Variants in TSPEAR observed in about 807,000 individuals in gnomAD.
TSPEAR encodes the protein thrombospondin-type laminin G domain and EAR repeat-containing protein.
Under a neutral mutation model 71.6 loss-of-function variants are expected in TSPEAR, and 69 were observed. The ratio of observed to expected loss-of-function variants is 0.96; its 90% CI spans 0.79 to 1.18. The LOEUF (loss-of-function observed/expected upper bound fraction) is 1.18. Ranked by LOEUF, TSPEAR falls within the 50% of genes most tolerant of loss-of-function variation. The pLI, the probability that TSPEAR is intolerant of heterozygous loss-of-function variation, is 0.00. For synonymous variants in TSPEAR, 402 were observed against 387.2 expected (o/e 1.04, Z -0.45); for missense variants, 971 against 894.9 (o/e 1.09, Z -1.09).
At chr21:44,528,705 G>T (rs2145976599) in intron 5 of TSPEAR, 122 bp from the exon 6 acceptor site, 14 of 1,285,278 alleles carry the variant, frequency 1.1e-5, no homozygotes, top group Non-Finnish European at 1.4e-5. Flanking sequence ...GCCTGGAAGG[G>T]CCCCTGCAGG....
chr21:44,650,719 A>G (rs9974666), intron 1 of TSPEAR, among the ~76,000 whole-genome samples: 40,779 of 151,032 alleles, frequency 0.27, 6,542 homozygotes, highest in African/African-American at 0.47. Flanking sequence ...GGATGTCAAC[A>G]CGCCCTCCAG....
intron 1 of TSPEAR, chr21:44,611,952 G>A (rs587763473): frequency 1.2e-6 from 1 of 813,992 alleles, no homozygotes; most frequent in Non-Finnish European, 2.0e-6. Context: ...GTTGCCTGGA[G>A]GCAAAGTCTC....
chr21:44,514,907 G>C (rs2052511206), intron 9 of TSPEAR, among the ~76,000 whole-genome samples: 1 of 152,168 alleles, frequency 6.6e-6, no homozygotes, highest in African/African-American at 2.4e-5. Flanking sequence ...GTCCTGCCAT[G>C]CCCACCGACC....
chr21:44,710,262 C>T lies in TSPEAR; in HGVS notation c.82+1171G>A, dbSNP rs1988149035. ...CCAGTTCCAAGGCAGTCCCTGCGGG[C>T]AGGTGCAGCTGTGCGGGAGCTTCAG... On this transcript the variant is annotated intron_variant, in intron 1 of 11. Transcript: ENST00000323084. This position sits in a 1 kb window ranked among gnomAD's most constrained non-coding sequence, Gnocchi z 4.6. 6.6e-6 allele frequency among the ~76,000 whole-genome samples: 1 copy of T among 152,240 alleles called. No individual in the cohort carries two copies. Among genetic ancestry groups the T allele is most frequent in the African/African-American group, 2.4e-5 (1 of 41,460 alleles).
intron 1 of TSPEAR, chr21:44,601,159 A>G: frequency 6.3e-7 from 1 of 1,590,640 alleles, no homozygotes; most frequent in Non-Finnish European, 8.5e-7. Flanking sequence ...TAGCTGTGTG[A>G]GCTGTGTGTC....
At chr21:44,654,724 G>A in intron 1 of TSPEAR, 1 of 717,034 alleles carries the variant, frequency 1.4e-6, no homozygotes, top group South Asian at 1.9e-5. Flanking sequence ...AAGCCCCCTG[G>A]CATCTTCCTC....
intron 1 of TSPEAR, among the ~76,000 whole-genome samples, chr21:44,671,532 C>A (rs930516707): frequency 3.9e-5 from 6 of 152,224 alleles, no homozygotes; most frequent in African/African-American, 1.4e-4. Context: ...AAAAGCCTCA[C>A]CACAGCCTCC....
chr21:44,654,822 T>C (rs770903515), intron 1 of TSPEAR, among the ~76,000 whole-genome samples: 1 of 147,306 alleles, frequency 6.8e-6, no homozygotes, highest in Non-Finnish European at 1.5e-5. Context: ...CTCTTTCAGC[T>C]AGGGGTGCCC....
chr21:44,526,880 C>T (rs1466729576), intron 7 of TSPEAR, among the ~76,000 whole-genome samples: 1 of 152,256 alleles, frequency 6.6e-6, no homozygotes, highest in African/African-American at 2.4e-5. Context: ...CTGAGCCTGG[C>T]CTCAGCCTTG....
intron 1 of TSPEAR, among the ~76,000 whole-genome samples, chr21:44,694,468 A>C (rs1290542826): frequency 6.6e-6 from 1 of 152,200 alleles, no homozygotes; most frequent in Non-Finnish European, 1.5e-5. Flanking sequence ...CGGGAAGAAG[A>C]AACAGTCCTA....
chr21:44,516,812 C>T (rs1385872361), intron 9 of TSPEAR, among the ~76,000 whole-genome samples: 1 of 152,070 alleles, frequency 6.6e-6, no homozygotes, highest in African/African-American at 2.4e-5. Flanking sequence ...GACCTGTGAT[C>T]TATGTACGCT....
At chr21:44,570,451 C>T (rs782504309) in intron 1 of TSPEAR, among the ~76,000 whole-genome samples, 1 of 152,276 alleles carries the variant, frequency 6.6e-6, no homozygotes, top group South Asian at 2.1e-4. Flanking sequence ...GGGCATCCTC[C>T]TTGACTCTAT....
intron 1 of TSPEAR, among the ~76,000 whole-genome samples, chr21:44,571,045 A>G (rs587715199): frequency 3.3e-5 from 5 of 152,342 alleles, no homozygotes; most frequent in African/African-American, 1.2e-4. Context: ...TAAAGAAGAA[A>G]AAATGTCAAT....
chr21:44,646,491 C>T (rs587690905), intron 1 of TSPEAR: 21 of 1,613,012 alleles, frequency 1.3e-5, no homozygotes, highest in African/African-American at 2.7e-5. Flanking sequence ...TCTGCTCCAG[C>T]GCTTACTCCG....
intron 5 of TSPEAR, 65 bp from the exon 6 acceptor site, chr21:44,528,648 G>A: frequency 6.3e-7 from 1 of 1,585,974 alleles, no homozygotes; most frequent in South Asian, 1.1e-5. Context: ...GACGACACAG[G>A]AAGAGGCCCC....
Position 44,623,836 on chromosome 21 carries a change from T to C in TSPEAR, c.83-55831A>G, listed in dbSNP as rs1274660470. Among the ~76,000 whole-genome samples the C allele has an allele frequency of 2.6e-5, 4 of 152,224 alleles. No individual in the cohort carries two copies. Among genetic ancestry groups the C allele is most frequent in the Admixed American group, 2.0e-4 (3 of 15,290 alleles). ...ATTTCTTTTTTTTTCCCTTGGCTGT[T>C]TTTAAATTTTTCTCTGTCTTTGGAT... On this transcript the variant is annotated intron_variant, in intron 1 of 11. Transcript: ENST00000323084. The surrounding 1 kb of genome is among the most constrained non-coding windows in gnomAD (Gnocchi z 4.5).
chr21:44,697,910 C>T lies in TSPEAR; in HGVS notation c.82+13523G>A, dbSNP rs567856514. On this transcript the variant is annotated intron_variant, in intron 1 of 11. Coordinates refer to ENST00000323084, the MANE Select transcript of TSPEAR (RefSeq NM_144991.3). ...GGCCTCCTGCGGGTCCCTCCTCTGCCGCCCCACATGTTCCCGCCTGGCCTG... is the reference window on the plus strand; with the variant it reads ...GGCCTCCTGCGGGTCCCTCCTCTGCTGCCCCACATGTTCCCGCCTGGCCTG... The T allele has an allele frequency of 2.8e-5, 45 of 1,612,530 alleles. No homozygotes were observed. The highest frequency in any genetic ancestry group is 6.7e-5 in the African/African-American group (5 of 75,002).
intron 8 of TSPEAR, among the ~76,000 whole-genome samples, chr21:44,524,280 T>C (rs1299238118): frequency 1.3e-5 from 2 of 151,684 alleles, no homozygotes; most frequent in Non-Finnish European, 2.9e-5. Flanking sequence ...GTCAGGTAGT[T>C]AGTCAACTAA....
At chr21:44,508,323 T>G (rs1460087913) in intron 10 of TSPEAR, 5 of 231,842 alleles carry the variant, frequency 2.2e-5, no homozygotes, top group Non-Finnish European at 3.7e-5. Context: ...TGTGTTGTTG[T>G]GTGTCTCAAG....
Sources: gnomAD v4.1 joint callset for allele counts (sites outside exome capture counted in the v4.1 genomes callset) on GRCh38, gnomAD v4.1.1 for gene constraint, Gnocchi (gnomAD v3.1) non-coding constraint, MANE v1.5 for transcripts, NCBI Gene and HGNC (gene_info 2026-07-23, HGNC 2026-07-21) for gene names.